Variants in ZDHHC14 observed in about 807,000 individuals in gnomAD.
The protein encoded by ZDHHC14 is zDHHC palmitoyltransferase 14, also known as palmitoyltransferase ZDHHC14.
A neutral mutation model predicts 47.7 loss-of-function variants in ZDHHC14; 16 were observed. The observed-to-expected ratio is 0.34, with a 90% CI of 0.23 to 0.51. ZDHHC14 has a LOEUF of 0.51. Ranked by LOEUF, ZDHHC14 falls within the 20% of genes least tolerant of loss-of-function variation. The probability of loss-of-function intolerance (pLI) is 0.97; values close to 1 mark genes in which losing one functional copy is unlikely to be tolerated. For synonymous variants in ZDHHC14, 293 were observed against 278.9 expected (o/e 1.05, Z -0.50); for missense variants, 515 against 662.5 (o/e 0.78, Z 2.44).
intron 1 of ZDHHC14, among the ~76,000 whole-genome samples, chr6:157,415,761 C>T (rs1777961497): frequency 6.6e-6 from 1 of 151,976 alleles, no homozygotes; most frequent in African/African-American, 2.4e-5. Context: ...GTAATCCCAG[C>T]CACTTGGGAG....
intron 3 of ZDHHC14, among the ~76,000 whole-genome samples, chr6:157,621,938 C>T (rs1262146835): frequency 6.6e-6 from 1 of 152,110 alleles, no homozygotes; most frequent in Non-Finnish European, 1.5e-5. Flanking sequence ...AGGATGGGGC[C>T]AGTGTCCTAA....
intron 2 of ZDHHC14, chr6:157,592,702 G>A: frequency 1.7e-6 from 2 of 1,148,966 alleles, no homozygotes; most frequent in Non-Finnish European, 2.2e-6. Flanking sequence ...GGGGAAGGAG[G>A]AAAAGGGCGG....
chr6:157,453,765 C>G (rs1000974113), intron 1 of ZDHHC14, among the ~76,000 whole-genome samples: 4 of 135,532 alleles, frequency 3.0e-5, no homozygotes, highest in Admixed American at 7.1e-5. Context: ...TTTATTCATT[C>G]TAAGGCCATT....
At chr6:157,527,704 G>GCTTT (rs1345206613) in intron 1 of ZDHHC14, among the ~76,000 whole-genome samples, 4 of 152,170 alleles carry the variant, frequency 2.6e-5, no homozygotes, top group Non-Finnish European at 5.9e-5. Context: ...TTTCACAAGT[G>GCTTT]CTTTAAACAT....
chr6:157,432,453 G>T (rs1265757604), intron 1 of ZDHHC14, among the ~76,000 whole-genome samples: 1 of 152,154 alleles, frequency 6.6e-6, no homozygotes, highest in East Asian at 1.9e-4. Flanking sequence ...GCCCGGGGCT[G>T]CTTTGGAGAG....
intron 1 of ZDHHC14, among the ~76,000 whole-genome samples, chr6:157,492,201 C>CCCCGCG (rs1192267249): frequency 1.6e-5 from 2 of 122,302 alleles, no homozygotes; most frequent in East Asian, 2.5e-4. Flanking sequence ...CCCCCCTCCG[C>CCCCGCG]CCCCGCCCCC....
chr6:157,436,437 T>C (rs925614966), intron 1 of ZDHHC14, among the ~76,000 whole-genome samples: 6 of 151,652 alleles, frequency 4.0e-5, no homozygotes, highest in South Asian at 2.1e-4. Flanking sequence ...AGCGATACGA[T>C]TGGGTCTGGG....
At chr6:157,457,552 C>T (rs920018104) in intron 1 of ZDHHC14, among the ~76,000 whole-genome samples, 1 of 152,154 alleles carries the variant, frequency 6.6e-6, no homozygotes, top group Non-Finnish European at 1.5e-5. Flanking sequence ...TTACAATATT[C>T]ACTGGAATAT....
rs1778655907 is a variant in ZDHHC14, at chr6:157,445,836, G to A, written c.245+63570G>A. ...GATATAAGCCTAAATGCTATCAAAT[G>A]CCTAGTGTTTAGTAGTTATGAAACC... is the stretch of plus-strand genomic sequence containing the variant. On this transcript the variant is annotated intron_variant, in intron 1 of 8. Transcript: ENST00000359775. Among the ~76,000 whole-genome samples the A allele has an allele frequency of 2.0e-5, 3 of 152,244 alleles. No homozygotes were observed. The South Asian group carries it at 6.2e-4, about 32-fold the overall frequency.
intron 1 of ZDHHC14, among the ~76,000 whole-genome samples, chr6:157,525,753 T>A (rs1411419877): frequency 6.6e-6 from 1 of 152,142 alleles, no homozygotes; most frequent in African/African-American, 2.4e-5. Flanking sequence ...ATTCTGGGCA[T>A]CAGAAGGCCT....
intron 8 of ZDHHC14, among the ~76,000 whole-genome samples, chr6:157,661,729 C>G (rs1284122917): frequency 6.6e-6 from 1 of 152,242 alleles, no homozygotes; most frequent in Admixed American, 6.5e-5. Flanking sequence ...GAAAGTTATA[C>G]TGAGGTTCAC....
At chr6:157,467,584 C>G (rs1779251003) in intron 1 of ZDHHC14, among the ~76,000 whole-genome samples, 1 of 151,154 alleles carries the variant, frequency 6.6e-6, no homozygotes, top group Admixed American at 6.6e-5. Flanking sequence ...GAGCCTCACT[C>G]TATTGCCTAG....
At chr6:157,412,660 G>T (rs1777893581) in intron 1 of ZDHHC14, among the ~76,000 whole-genome samples, 1 of 152,214 alleles carries the variant, frequency 6.6e-6, no homozygotes, top group South Asian at 2.1e-4. Context: ...AATTCAGGTG[G>T]AAATGGTGGT....
At chr6:157,490,278 TTC>T (rs1299894187) in intron 1 of ZDHHC14, among the ~76,000 whole-genome samples, 1 of 152,340 alleles carries the variant, frequency 6.6e-6, no homozygotes, top group East Asian at 1.9e-4. Flanking sequence ...GGTTTTCCAA[TTC>T]TGTTTTAAAT....
chr6:157,491,170 G>A (rs1020257700), intron 1 of ZDHHC14, among the ~76,000 whole-genome samples: 7 of 152,190 alleles, frequency 4.6e-5, no homozygotes, highest in Admixed American at 6.5e-5. Flanking sequence ...TCTGTGGGTC[G>A]CATTTAGGGT....
chr6:157,570,623 GTCATTAA>G (rs1163164645), intron 2 of ZDHHC14, among the ~76,000 whole-genome samples: 1 of 152,090 alleles, frequency 6.6e-6, no homozygotes, highest in Non-Finnish European at 1.5e-5. Flanking sequence ...ATATAAGGTA[GTCATTAA>G]TTTTCATTTT....
intron 2 of ZDHHC14, among the ~76,000 whole-genome samples, chr6:157,553,242 G>C (rs1051414926): frequency 6.6e-6 from 1 of 152,166 alleles, no homozygotes; most frequent in Non-Finnish European, 1.5e-5. Context: ...GAGCCCCATT[G>C]AGTAGCAAAG....
chr6:157,672,663 C>A, intron 8 of ZDHHC14, 61 bp from the exon 9 acceptor site: 4 of 585,744 alleles, frequency 6.8e-6, no homozygotes, highest in Admixed American at 3.1e-5. Flanking sequence ...CCATCCCTGT[C>A]CCTCCCCACC....
chr6:157,629,599 A>T (rs1221942219), intron 4 of ZDHHC14: 1 of 152,196 alleles, frequency 6.6e-6, no homozygotes, highest in Non-Finnish European at 1.5e-5. Flanking sequence ...TGGGCCGTTA[A>T]ATGGAACATC....
Sources: gnomAD v4.1 joint callset for allele counts (sites outside exome capture counted in the v4.1 genomes callset) on GRCh38, gnomAD v4.1.1 for gene constraint, MANE v1.5 for transcripts, NCBI Gene and HGNC (gene_info 2026-07-23, HGNC 2026-07-21) for gene names.